NTMT2: variants seen among roughly 807,000 people sequenced by gnomAD.
NTMT2 encodes X-Pro-Lys N-terminal protein methyltransferase 1B.
Under a neutral mutation model 23.4 loss-of-function variants are expected in NTMT2, and 21 were observed. That is an observed-to-expected ratio of 0.90 (90% CI 0.64 to 1.29). The LOEUF (loss-of-function observed/expected upper bound fraction) is 1.29, where lower values mean the gene tolerates loss of function less well. NTMT2 is among the 50% of genes most tolerant of loss of function. NTMT2 has a pLI of 0.00. For missense variants in NTMT2, 336 were observed against 352.0 expected, an observed-to-expected ratio of 0.95 and a Z score of 0.36; for synonymous variants, 131 against 127.7, an observed-to-expected ratio of 1.03 and a Z score of -0.17.
intron 1 of NTMT2, among the ~76,000 whole-genome samples, chr1:170,147,178 T>A (rs548583099): frequency 6.6e-6 from 1 of 152,348 alleles, no homozygotes; most frequent in African/African-American, 2.4e-5. Context: ...GTTAGCAGCC[T>A]ACCAAAACCT....
At chr1:170,159,683 G>A (rs1263779407) in intron 1 of NTMT2, among the ~76,000 whole-genome samples, 3 of 152,084 alleles carry the variant, frequency 2.0e-5, no homozygotes, top group African/African-American at 7.2e-5. Context: ...GAAGACAAAT[G>A]CATGTACTCA....
rs965701859 is a variant in NTMT2, at chr1:170,166,533, TGGACTGCGGCTC to T, written c.363_374del (p.Leu121_Ser125delinsPhe). On this transcript the variant is annotated inframe_deletion, in exon 3 of 4. Coordinates refer to ENST00000439373, the MANE Select transcript of NTMT2 (RefSeq NM_001136107.2). ...GGGAGAGCTGGAACAGACTGCGCCT[TGGACTGCGGCTC>T]CGGGATAGGAAGGGTCAGCAAACAC... The T allele has an allele frequency of 7.7e-6, 12 of 1,552,212 alleles. No homozygotes were observed. In the African/African-American group the frequency reaches 1.6e-4, roughly 21 times the overall value.
chr1:170,148,039 A>G (rs1454651290), intron 1 of NTMT2, among the ~76,000 whole-genome samples: 4 of 151,950 alleles, frequency 2.6e-5, no homozygotes, highest in East Asian at 1.9e-4. Context: ...CTGACGCCCA[A>G]TGTAAAATAC....
At chr1:170,160,171 T>C (rs986844612) in intron 1 of NTMT2, among the ~76,000 whole-genome samples, 4 of 152,204 alleles carry the variant, frequency 2.6e-5, no homozygotes, top group African/African-American at 7.2e-5. Flanking sequence ...CACTGCAAAA[T>C]TGATGACATT....
Position 170,166,708 on chromosome 1 carries a change from C to G in NTMT2, c.537C>G (p.Pro179=). Reference sequence around the variant, plus strand: ...GCTACAGCCTGCAGGAATTCACACCCCCCTTCAGGAGATATGATGTCATCT... The same window carrying G: ...GCTACAGCCTGCAGGAATTCACACCGCCCTTCAGGAGATATGATGTCATCT... ...YHCYSLQEFT[P]PFRRYDVIWI... Residue 179 remains proline (P), a synonymous_variant, in exon 3 of 4, where the codon CCC becomes CCG. Coordinates refer to ENST00000439373, the MANE Select transcript of NTMT2 (RefSeq NM_001136107.2). 1 of 1,552,270 alleles carries G rather than the reference C, an allele frequency of 6.4e-7. No homozygotes were observed. The highest frequency in any genetic ancestry group is 8.7e-7 in the Non-Finnish European group (1 of 1,147,098).
chr1:170,166,283 G>A (rs1673383543), intron 2 of NTMT2, among the ~76,000 whole-genome samples: 1 of 143,104 alleles, frequency 7.0e-6, no homozygotes, highest in Non-Finnish European at 1.5e-5. Flanking sequence ...GGGACTACAG[G>A]CGCCCACCAT....
chr1:170,145,997 G>A lies in NTMT2; in HGVS notation c.-111G>A. The stretch of plus-strand genomic sequence containing the variant: ...CCTGTCCTGATATAGATGGAGAGGG[G>A]ACTGGTTTAAAATGACAGTCTCAAG... On this transcript the variant is annotated 5_prime_UTR_variant, in exon 1 of 4. Coordinates refer to ENST00000439373, the MANE Select transcript of NTMT2 (RefSeq NM_001136107.2). 9.8e-7 allele frequency: 1 copy of A among 1,018,084 alleles called. No individual in the cohort carries two copies. The highest frequency in any genetic ancestry group is 1.7e-5 in the South Asian group (1 of 59,644). 63.1% of individuals were successfully genotyped at this position (1,018,084 alleles called of 1,614,324 possible).
rs140005924 is a variant in NTMT2, at chr1:170,148,577, G to T, written c.154+2316G>T. On this transcript the variant is annotated intron_variant, in intron 1 of 3. Transcript: ENST00000439373. Reference sequence around the variant, plus strand: ...GACATTAGTTTGCCTGAGAGTCACAGAGCTAGCCTCATCCACAGTACCTCT... The same window carrying T: ...GACATTAGTTTGCCTGAGAGTCACATAGCTAGCCTCATCCACAGTACCTCT... 7.0e-3 allele frequency among the ~76,000 whole-genome samples: 1,067 copies of T among 152,244 alleles called. 16 individuals are homozygous for T. Among genetic ancestry groups the T allele is most frequent in the African/African-American group, 0.025 (1,031 of 41,536 alleles).
chr1:170,167,404 C>A, intron 3 of NTMT2, 82 bp from the exon 4 acceptor site: 1 of 1,256,412 alleles, frequency 8.0e-7, no homozygotes, highest in Non-Finnish European at 1.1e-6. Flanking sequence ...TCTCCTGATT[C>A]TTAGCCATGT....
At chr1:170,160,326 A>T (rs1201297954) in intron 1 of NTMT2, among the ~76,000 whole-genome samples, 192 bp from the exon 2 acceptor site, 2 of 152,208 alleles carry the variant, frequency 1.3e-5, no homozygotes, top group African/African-American at 4.8e-5. Flanking sequence ...AGAGGAGTTA[A>T]GATGTTTTCC....
At chr1:170,160,297 G>A (rs1421523564) in intron 1 of NTMT2, among the ~76,000 whole-genome samples, 1 of 152,162 alleles carries the variant, frequency 6.6e-6, no homozygotes, top group Non-Finnish European at 1.5e-5. Context: ...ATAATCCATA[G>A]ATGCGATCTC....
intron 1 of NTMT2, among the ~76,000 whole-genome samples, chr1:170,156,154 A>G (rs563244019): frequency 2.6e-4 from 40 of 152,210 alleles, no homozygotes; most frequent in African/African-American, 8.9e-4. Context: ...CTTCATGGTT[A>G]AGGTCTTATG....
chr1:170,159,748 T>A (rs1421882221), intron 1 of NTMT2, among the ~76,000 whole-genome samples: 2 of 152,202 alleles, frequency 1.3e-5, no homozygotes, highest in Non-Finnish European at 2.9e-5. Context: ...TATCATTTTA[T>A]CATGAATGTC....
Position 170,151,930 on chromosome 1 carries a change from T to G in NTMT2, c.154+5669T>G, listed in dbSNP as rs1557905135. 2.0e-5 allele frequency among the ~76,000 whole-genome samples: 3 copies of G among 152,208 alleles called. No individual in the cohort carries two copies. The South Asian group carries it at 6.2e-4, about 32-fold the overall frequency. ...ATAAACATGTTTGATCATCTATAGT[T>G]ACTATTTTTTAATTATTTGAGTATG... On this transcript the variant is annotated intron_variant, in intron 1 of 3. Coordinates refer to ENST00000439373, the MANE Select transcript of NTMT2 (RefSeq NM_001136107.2).
intron 1 of NTMT2, among the ~76,000 whole-genome samples, chr1:170,154,946 G>A (rs1557906233): frequency 6.6e-6 from 1 of 152,080 alleles, no homozygotes; most frequent in Non-Finnish European, 1.5e-5. Flanking sequence ...CTCATGGCTT[G>A]GTGCTGTCCT....
intron 1 of NTMT2, among the ~76,000 whole-genome samples, chr1:170,157,212 C>T (rs953382279): frequency 1.3e-5 from 2 of 152,120 alleles, no homozygotes; most frequent in East Asian, 3.9e-4. Flanking sequence ...ATCCATGGTT[C>T]TCAATGTTTT....
chr1:170,158,223 G>A (rs1436635908), intron 1 of NTMT2: 1 of 152,060 alleles, frequency 6.6e-6, no homozygotes, highest in Non-Finnish European at 1.5e-5. Flanking sequence ...TTTCTGATGA[G>A]ATCTGTGATA....
At chr1:170,155,231 G>A (rs1571820458) in intron 1 of NTMT2, among the ~76,000 whole-genome samples, 2 of 152,070 alleles carry the variant, frequency 1.3e-5, no homozygotes, top group East Asian at 3.9e-4. Flanking sequence ...GCCTAACACA[G>A]GTATCATTAC....
chr1:170,167,653 A>T lies in NTMT2; in HGVS notation c.748A>T (p.Arg250Trp). ...RDMDILRSLI[R>W]KSGLVVLGQE... ...CATGGACATCCTCCGGAGCCTAATA[A>T]GGAAGAGTGGGCTGGTGGTGCTGGG... The change falls in exon 4 of 4, where the codon AGG becomes TGG. Residue 250 changes from arginine (R) to tryptophan (W), a missense_variant. Arg to Trp is a moderately radical substitution (Grantham distance 101, BLOSUM62 -3). Transcript: ENST00000439373. The T allele has an allele frequency of 6.4e-7, 1 of 1,551,686 alleles. No homozygotes were observed. Among genetic ancestry groups the T allele is most frequent in the African/African-American group, 1.4e-5 (1 of 73,158 alleles).
Sources: allele counts gnomAD v4.1 joint callset (sites outside exome capture counted in the v4.1 genomes callset), GRCh38; gene constraint gnomAD v4.1.1; transcripts MANE v1.5; gene names NCBI Gene and HGNC (gene_info 2026-07-23, HGNC 2026-07-21).